Variants in CCNB3 observed in about 807,000 individuals in gnomAD.
CCNB3 encodes the protein cyclin B3.
A neutral mutation model predicts 68.0 loss-of-function variants in CCNB3; 12 were observed. The observed-to-expected ratio is 0.18, with a 90% CI of 0.11 to 0.29. The LOEUF (loss-of-function observed/expected upper bound fraction) is 0.29, where lower values mean the gene tolerates loss of function less well. CCNB3 is among the 10% of genes least tolerant of loss of function. CCNB3 has a pLI of 1.00. For synonymous variants in CCNB3, 354 were observed against 388.9 expected (o/e 0.91, Z 1.06); for missense variants, 904 against 993.1 (o/e 0.91, Z 1.21).
At chrX:50,220,592 G>A (rs1029494015) in intron 1 of CCNB3, among the ~76,000 whole-genome samples, 42 of 110,948 alleles carry the variant, frequency 3.8e-4, no homozygotes, top group African/African-American at 1.3e-3. Context: ...GTATGTTGAC[G>A]TGAACCATCC....
In CCNB3 at chrX:50,309,708, C is replaced by A; in HGVS notation, c.1539C>A (p.Thr513=). 8.3e-7 allele frequency: 1 copy of A among 1,209,338 alleles called. No homozygotes were observed. Among genetic ancestry groups the A allele is most frequent in the Non-Finnish European group, 1.1e-6 (1 of 894,581 alleles). Reference sequence around the variant, plus strand: ...AGAAACCACTAATATTACAGACCACCTCTGGAGAAAAGTCACTTATTAAGG... The same window carrying A: ...AGAAACCACTAATATTACAGACCACATCTGGAGAAAAGTCACTTATTAAGG... ...HLKKPLILQT[T]SGEKSLIKEP... The change falls in exon 6 of 13, where the codon ACC becomes ACA. Residue 513 remains threonine, a synonymous_variant. Transcript: ENST00000376042.
chrX:50,331,614 A>T (rs1324261773), intron 8 of CCNB3, among the ~76,000 whole-genome samples: 4 of 111,778 alleles, frequency 3.6e-5, no homozygotes, highest in Non-Finnish European at 7.5e-5. Flanking sequence ...TTGGTCTCCC[A>T]TTACAATTCC....
intron 8 of CCNB3, among the ~76,000 whole-genome samples, chrX:50,332,620 C>T (rs1557218229): frequency 9.0e-6 from 1 of 111,234 alleles, no homozygotes. Context: ...GTTGTCCAGG[C>T]TTGGTTTCGC....
chrX:50,345,197 C>T (rs1602252605), intron 9 of CCNB3, among the ~76,000 whole-genome samples: 1 of 109,137 alleles, frequency 9.2e-6, no homozygotes. Context: ...CACCTGCTCA[C>T]TTGAGCCCTC....
intron 8 of CCNB3, among the ~76,000 whole-genome samples, chrX:50,319,190 G>A (rs73495639): frequency 9.0e-6 from 1 of 110,896 alleles, no homozygotes; most frequent in East Asian, 2.8e-4. Context: ...CATTGTGCTT[G>A]AGGTGGTCTT....
intron 9 of CCNB3, among the ~76,000 whole-genome samples, chrX:50,343,326 T>G (rs1360001542): frequency 8.9e-6 from 1 of 111,914 alleles, no homozygotes; most frequent in South Asian, 3.8e-4. Context: ...TATGTATACA[T>G]GTGCCATGTT....
chrX:50,306,490 A>C lies in CCNB3; in HGVS notation c.336-2015A>C, dbSNP rs181930426. On this transcript the variant is annotated intron_variant, in intron 5 of 12. Coordinates refer to ENST00000376042, the MANE Select transcript of CCNB3 (RefSeq NM_033031.3). Reference sequence around the variant, plus strand: ...TTCTTGCCTACTTGCCCTAGCTACAACCTCTAGTATAATGTTGAATAGAAG... The same window carrying C: ...TTCTTGCCTACTTGCCCTAGCTACACCCTCTAGTATAATGTTGAATAGAAG... Among the ~76,000 whole-genome samples the C allele has an allele frequency of 9.9e-3, 1,107 of 111,505 alleles. 5 individuals are homozygous for C. Among genetic ancestry groups the C allele is most frequent in the Non-Finnish European group, 0.014 (720 of 53,030 alleles).
chrX:50,205,076 G>A (rs1157935200), intron 1 of CCNB3, 126 bp downstream of exon 1: 2 of 111,895 alleles, frequency 1.8e-5, no homozygotes, highest in East Asian at 5.6e-4. Context: ...GAGGGAACTA[G>A]CCTTTAATTA....
At chrX:50,312,460 G>A (rs1602227309) in intron 6 of CCNB3, 77 bp from the exon 7 acceptor site, 1 of 799,399 alleles carries the variant, frequency 1.3e-6, no homozygotes, top group East Asian at 3.2e-5. Flanking sequence ...GGAGAAAGGA[G>A]TAATCATTGA....
chrX:50,210,905 A>AT (rs1389873571), intron 1 of CCNB3, among the ~76,000 whole-genome samples: 3,202 of 111,095 alleles, frequency 0.029, 110 homozygotes, highest in African/African-American at 0.097. Flanking sequence ...CTTTAATCAG[A>AT]TTTTTTTTCC....
chrX:50,226,200 G>GAATATATATATTTATATATATAA (rs1935770640), intron 1 of CCNB3, among the ~76,000 whole-genome samples: 1 of 56,707 alleles, frequency 1.8e-5, no homozygotes, highest in African/African-American at 9.3e-5. Flanking sequence ...AATATATATA[G>GAATATATATATTTATATATATAA]AATATATATA....
At chrX:50,226,237 A>ATATATATGGAATATATATATT (rs1935778513) in intron 1 of CCNB3, among the ~76,000 whole-genome samples, 1 of 68,391 alleles carries the variant, frequency 1.5e-5, no homozygotes, top group Non-Finnish European at 2.4e-5. Context: ...ATATATATTT[A>ATATATATGGAATATATATATT]TATATATAGA....
chrX:50,343,888 G>A (rs73495697), intron 9 of CCNB3, among the ~76,000 whole-genome samples: 2,917 of 111,704 alleles, frequency 0.026, 94 homozygotes, highest in African/African-American at 0.091. Flanking sequence ...TATTTTTTAT[G>A]AATTTAGTGT....
At chrX:50,340,741 G>T (rs376634497) in intron 8 of CCNB3, among the ~76,000 whole-genome samples, 31 of 111,703 alleles carry the variant, frequency 2.8e-4, no homozygotes, top group African/African-American at 9.4e-4. Context: ...GTACTGCAGG[G>T]GCCAGCACAA....
intron 1 of CCNB3, among the ~76,000 whole-genome samples, chrX:50,206,200 G>A (rs1935359502): frequency 9.0e-6 from 1 of 110,664 alleles, no homozygotes; most frequent in South Asian, 3.8e-4. Context: ...CCGGGATGGC[G>A]CCACTGCACT....
chrX:50,215,152 G>T (rs1044593613), intron 1 of CCNB3, among the ~76,000 whole-genome samples: 1 of 109,559 alleles, frequency 9.1e-6, no homozygotes. Flanking sequence ...ACCACGCCCG[G>T]CTAATTTTTT....
intron 1 of CCNB3, among the ~76,000 whole-genome samples, chrX:50,225,516 TGTG>T (rs1287708317): frequency 1.4e-4 from 16 of 110,562 alleles, no homozygotes; most frequent in African/African-American, 4.9e-4. Flanking sequence ...CTCTTGTTGT[TGTG>T]TTGTATTTGT....
chrX:50,215,899 A>T (rs2146980936), intron 1 of CCNB3, among the ~76,000 whole-genome samples: 1 of 106,502 alleles, frequency 9.4e-6, no homozygotes, highest in African/African-American at 3.4e-5. Flanking sequence ...ATTGTATTTG[A>T]AGGGGGTTTT....
At chrX:50,342,824 A>G (rs2147100268) in intron 9 of CCNB3, among the ~76,000 whole-genome samples, 1 of 110,735 alleles carries the variant, frequency 9.0e-6, no homozygotes, top group Non-Finnish European at 1.9e-5. Flanking sequence ...TTCCCACTAC[A>G]GCCTCTCAAG....
Sources: gnomAD v4.1 joint callset for allele counts (sites outside exome capture counted in the v4.1 genomes callset) on GRCh38, gnomAD v4.1.1 for gene constraint, MANE v1.5 for transcripts, NCBI Gene and HGNC (gene_info 2026-07-23, HGNC 2026-07-21) for gene names.